The following PPFIA3 variants were observed in gnomAD, a reference collection of about 807,000 sequenced individuals.
PPFIA3 encodes liprin-alpha-3.
A neutral mutation model predicts 145.8 loss-of-function variants in PPFIA3; 26 were observed. That is an observed-to-expected ratio of 0.18 (90% CI 0.13 to 0.25). PPFIA3 has a LOEUF of 0.25. PPFIA3 is among the 10% of genes least tolerant of loss of function. The pLI is 1.00. For missense variants in PPFIA3, 1,008 were observed against 1,587.8 expected (o/e 0.63, Z 6.21); for synonymous variants, 645 against 661.4 (o/e 0.98, Z 0.38).
rs574511204 is a variant in PPFIA3 at position 49,132,023 on chromosome 19, A to G, written c.880-978A>G. ...AGACTCCGTCTCAAAAAAAAAAAAA[A>G]AAAAAAAGTTGAGGCATAAGAATCA... is the stretch of plus-strand genomic sequence containing the variant. On this transcript the variant is annotated intron_variant, in intron 7 of 29. Coordinates refer to ENST00000334186, the MANE Select transcript of PPFIA3 (RefSeq NM_003660.4). Among the ~76,000 whole-genome samples, 1,296 of 151,564 alleles carry G rather than the reference A, an allele frequency of 8.6e-3. 6 individuals are homozygous for G. Among genetic ancestry groups the G allele is most frequent in the Non-Finnish European group, 0.013 (914 of 67,856 alleles).
At chr19:49,142,471 C>T (rs1007129179) in intron 20 of PPFIA3, among the ~76,000 whole-genome samples, 2 of 151,946 alleles carry the variant, frequency 1.3e-5, no homozygotes, top group Admixed American at 6.6e-5. Context: ...GATCGCCCTG[C>T]CGATGTCTCC....
At chr19:49,143,159 G>A (rs999338685) in intron 21 of PPFIA3, among the ~76,000 whole-genome samples, 155 bp downstream of exon 21, 2 of 151,962 alleles carry the variant, frequency 1.3e-5, no homozygotes, top group African/African-American at 2.4e-5. Context: ...CTCCTAACTT[G>A]GCCTGTGGTC....
chr19:49,134,484 C>T (rs1021426831), intron 11 of PPFIA3, among the ~76,000 whole-genome samples, 155 bp from the exon 12 acceptor site: 5 of 152,164 alleles, frequency 3.3e-5, no homozygotes, highest in Non-Finnish European at 7.3e-5. Flanking sequence ...TCCCCAGAAA[C>T]ATCGTTGCCC....
Position 49,135,035 on chromosome 19 carries a change from T to TTTTGTTTGTTTG in PPFIA3, c.1520+132_1520+143dup, listed in dbSNP as rs4002361. ...GACTTCTGACCCCTCTGTTTTTGTT[T>TTTTGTTTGTTTG]TTTGTTTGTTTGTTTGTTTGTTTTG... is the stretch of plus-strand genomic sequence containing the variant. On this transcript the variant is annotated intron_variant, in intron 13 of 29. Transcript: ENST00000334186. 1.0e-5 allele frequency: 7 copies of TTTTGTTTGTTTG among 690,978 alleles called. No homozygotes were observed. In the African/African-American group the frequency reaches 1.2e-4, roughly 12 times the overall value. 42.8% of individuals were successfully genotyped at this position (690,978 alleles called of 1,614,324 possible).
intron 21 of PPFIA3, among the ~76,000 whole-genome samples, chr19:49,143,564 G>A (rs777571038): frequency 6.6e-6 from 1 of 152,040 alleles, no homozygotes; most frequent in Non-Finnish European, 1.5e-5. Flanking sequence ...GTAGAGACAG[G>A]GTTTTGACAC....
At chr19:49,127,080 C>CAAAA (rs11304397) in intron 1 of PPFIA3, among the ~76,000 whole-genome samples, 7 of 69,822 alleles carry the variant, frequency 1.0e-4, no homozygotes, top group Admixed American at 1.7e-4. Flanking sequence ...CTCATCTCCA[C>CAAAA]AAAAAAAAAA....
In PPFIA3 at chr19:49,150,333, C is replaced by G. The variant is rs2041333149; in HGVS notation, c.*111C>G. The G allele has an allele frequency of 1.6e-6, 1 of 631,234 alleles. No homozygotes were observed. The highest frequency in any genetic ancestry group is 1.8e-5 in the African/African-American group (1 of 54,280). 39.1% of individuals were successfully genotyped at this position (631,234 alleles called of 1,614,324 possible). A position where few individuals can be genotyped will look rare whatever the true frequency, so the allele number is the denominator to read the frequency against. ...CGGGGAGAGCGGGCGGGGGAGCTCG[C>G]GCCGAGGACTGGACCATCTGTACAG... On this transcript the variant is annotated 3_prime_UTR_variant, in exon 30 of 30. Coordinates refer to ENST00000334186, the MANE Select transcript of PPFIA3 (RefSeq NM_003660.4).
chr19:49,138,463 G>C, intron 16 of PPFIA3, 36 bp downstream of exon 16: 1 of 1,462,978 alleles, frequency 6.8e-7, no homozygotes, highest in Non-Finnish European at 9.0e-7. Context: ...CTAGTAGGGG[G>C]ATGGGGAGAG....
At chr19:49,141,186 A>G (rs2041217232) in intron 18 of PPFIA3, among the ~76,000 whole-genome samples, 1 of 152,048 alleles carries the variant, frequency 6.6e-6, no homozygotes, top group African/African-American at 2.4e-5. Context: ...GTTGTTAGGC[A>G]TTTACCAGCA....
At position 49,148,714 on chromosome 19, in the gene PPFIA3, C is replaced by G. The variant is rs2041307437; in HGVS notation, c.3060C>G (p.Asp1020Glu). The G allele has an allele frequency of 6.2e-7, 1 of 1,613,960 alleles. No homozygotes were observed. The change falls in exon 25 of 30, where the codon GAC becomes GAG. Residue 1020 changes from aspartate to glutamate, a missense_variant. Physicochemically the swap from Asp to Glu is conservative, Grantham distance 45. This residue lies in a region of PPFIA3 where 154 missense variants were observed against 369.2 expected (regional missense o/e 0.42). Transcript: ENST00000334186. ...TGTGCCTGAAACGGCTCAACTATGA[C>G]CGGAAGGACCTGGAGCGGAGGCGGG... ...GIMCLKRLNY[D>E]RKDLERRREE...
Position 49,128,098 on chromosome 19 carries a change from C to T in PPFIA3, c.225C>T (p.Ser75=). ...HEKDSLQRQL[S]IALPQEFAAL... ...AGGACTCGCTGCAGCGCCAGCTCAG[C>T]ATCGCGCTGCCCCAGGTCTGGGCGG... The change falls in exon 2 of 30, where the codon AGC becomes AGT. Residue 75 remains serine, a synonymous_variant. Transcript: ENST00000334186. This position sits in a 1 kb window ranked among gnomAD's most constrained non-coding sequence, Gnocchi z 4.1. 2 of 1,554,850 alleles carry T rather than the reference C, an allele frequency of 1.3e-6. No individual in the cohort carries two copies. Among genetic ancestry groups the T allele is most frequent in the Non-Finnish European group, 1.7e-6 (2 of 1,155,752 alleles).
In PPFIA3 at chr19:49,149,377, G is replaced by A. The variant is rs2041316413; in HGVS notation, c.3354+52G>A. ...TCTGCTCCCAGCGGCTCCTCGAGAG[G>A]CTGAGCTGAGGGGGCGGGGCCTGAC... On this transcript the variant is annotated intron_variant, in intron 27 of 29. Transcript: ENST00000334186. The surrounding 1 kb of genome is among the most constrained non-coding windows in gnomAD (Gnocchi z 5.7). 2 of 1,606,818 alleles carry A rather than the reference G, an allele frequency of 1.2e-6. No individual in the cohort carries two copies. Among genetic ancestry groups the A allele is most frequent in the East Asian group, 2.2e-5 (1 of 44,842 alleles).
Position 49,120,485 on chromosome 19 carries a change from A to C in PPFIA3, c.-16+763A>C, listed in dbSNP as rs1363383023. 6.6e-6 allele frequency among the ~76,000 whole-genome samples: 1 copy of C among 151,306 alleles called. No individual in the cohort carries two copies. Among genetic ancestry groups the C allele is most frequent in the African/African-American group, 2.4e-5 (1 of 41,122 alleles). The stretch of plus-strand genomic sequence containing the variant: ...CATGGCACCCGGGGATGCAGCTCCC[A>C]CCCCGTTCGGGAAGCCTGTCCGTGT... On this transcript the variant is annotated intron_variant, in intron 1 of 29. Coordinates refer to ENST00000334186, the MANE Select transcript of PPFIA3 (RefSeq NM_003660.4). The surrounding 1 kb of genome is among the most constrained non-coding windows in gnomAD (Gnocchi z 4.6).
intron 19 of PPFIA3, 48 bp downstream of exon 19, chr19:49,141,561 AGTGTGTGAGGGTGT>A: frequency 6.7e-7 from 1 of 1,491,644 alleles, no homozygotes; most frequent in Non-Finnish European, 9.3e-7. Flanking sequence ...TGAATGTGAG[AGTGTGTGAGGGTGT>A]GTGTGTGCGT....
At chr19:49,140,494 G>C (rs1489082081) in intron 18 of PPFIA3, among the ~76,000 whole-genome samples, 1 of 150,930 alleles carries the variant, frequency 6.6e-6, no homozygotes, top group Non-Finnish European at 1.5e-5. Context: ...GACTATAGGC[G>C]CCCGCCACTA....
Position 49,148,262 on chromosome 19 carries a change from G to T in PPFIA3, c.3011+4G>T. 6.2e-7 allele frequency: 1 copy of T among 1,612,742 alleles called. No individual in the cohort carries two copies. Among genetic ancestry groups the T allele is most frequent in the Middle Eastern group, 1.7e-4 (1 of 6,054 alleles). On this transcript the variant is annotated splice_donor_region_variant and intron_variant, in intron 24 of 29. Coordinates refer to ENST00000334186, the MANE Select transcript of PPFIA3 (RefSeq NM_003660.4). ...AGATGGTGGACAGCTTTCACAGGTG[G>T]GGGCTGCCTGGCCAGTGGGGACAGT...
At chr19:49,134,589 G>T (rs533314144) in intron 11 of PPFIA3, 50 bp from the exon 12 acceptor site, 1 of 1,557,910 alleles carries the variant, frequency 6.4e-7, no homozygotes, top group Non-Finnish European at 8.8e-7. Context: ...GCAGCCCCAC[G>T]GGCGTGGCCC....
Position 49,146,035 on chromosome 19 carries a change from G to T in PPFIA3, c.2808+30G>T, listed in dbSNP as rs376145205. ...GTGCCCCCTGCCGGCCGCCTTGGGGGTGGCACTAACCTTCTTTGGGGGTGG... is the reference window on the plus strand; with the variant it reads ...GTGCCCCCTGCCGGCCGCCTTGGGGTTGGCACTAACCTTCTTTGGGGGTGG... On this transcript the variant is annotated intron_variant, in intron 22 of 29. Coordinates refer to ENST00000334186, the MANE Select transcript of PPFIA3 (RefSeq NM_003660.4). 7.1e-5 allele frequency: 115 copies of T among 1,612,176 alleles called. No individual in the cohort carries two copies. The African/African-American group carries it at 1.2e-3, about 16-fold the overall frequency.
rs1440011063 is a variant in PPFIA3, at chr19:49,149,213, G to T, written c.3286-44G>T. ...GGAGCATGCTGGGCGTCCCCACCTC[G>T]CAGACTGCACGCTCCAACCGCCCCC... is the stretch of plus-strand genomic sequence containing the variant. On this transcript the variant is annotated intron_variant, in intron 26 of 29. Coordinates refer to ENST00000334186, the MANE Select transcript of PPFIA3 (RefSeq NM_003660.4). The surrounding 1 kb of genome is among the most constrained non-coding windows in gnomAD (Gnocchi z 5.7). 1.2e-6 allele frequency: 2 copies of T among 1,613,780 alleles called. No homozygotes were observed. The highest frequency in any genetic ancestry group is 1.7e-6 in the Non-Finnish European group (2 of 1,179,920).
Sources: gnomAD v4.1 joint callset for allele counts (sites outside exome capture counted in the v4.1 genomes callset) on GRCh38, gnomAD v4.1.1 for gene constraint, gnomAD v4.1.1 regional missense constraint, Gnocchi (gnomAD v3.1) non-coding constraint, MANE v1.5 for transcripts, NCBI Gene and HGNC (gene_info 2026-07-23, HGNC 2026-07-21) for gene names.